The following DYNC1I1 variants were observed in gnomAD, a reference collection of about 807,000 sequenced individuals.
DYNC1I1 encodes the protein cytoplasmic dynein 1 intermediate chain 1.
In DYNC1I1, 43 loss-of-function variants were observed where a neutral mutation model predicts 86.6. The observed-to-expected ratio is 0.50, with a 90% CI of 0.39 to 0.64. The LOEUF is 0.64. DYNC1I1 is among the 30% of genes least tolerant of loss of function. DYNC1I1 has a pLI of 0.00. For synonymous variants in DYNC1I1, 262 were observed against 283.7 expected, an observed-to-expected ratio of 0.92 and a Z score of 0.77; for missense variants, 604 against 788.8, an observed-to-expected ratio of 0.77 and a Z score of 2.81.
intron 14 of DYNC1I1, among the ~76,000 whole-genome samples, chr7:96,057,697 T>A (rs1430792824): frequency 6.6e-6 from 1 of 152,198 alleles, no homozygotes; most frequent in African/African-American, 2.4e-5. Flanking sequence ...AGCTGTAGCT[T>A]CTTAAGGTCA....
At chr7:96,108,359 TGC>T (rs1203912264) in intron 16 of DYNC1I1, among the ~76,000 whole-genome samples, 34 of 152,304 alleles carry the variant, frequency 2.2e-4, no homozygotes, top group African/African-American at 7.9e-4. Flanking sequence ...TATCTCTTTC[TGC>T]AAAGGGATAT....
At chr7:95,909,306 A>G (rs1791267425) in intron 6 of DYNC1I1, among the ~76,000 whole-genome samples, 1 of 151,588 alleles carries the variant, frequency 6.6e-6, no homozygotes, top group African/African-American at 2.4e-5. Context: ...CTCTAGCAGC[A>G]ACAAGGATGT....
At chr7:95,808,338 A>G (rs1076998) in intron 2 of DYNC1I1, among the ~76,000 whole-genome samples, 28,180 of 152,094 alleles carry the variant, frequency 0.19, 2,736 homozygotes, top group East Asian at 0.26. Context: ...CATGAATATA[A>G]AAACTAGTGT....
intron 10 of DYNC1I1, among the ~76,000 whole-genome samples, chr7:96,013,110 G>T (rs1794315430): frequency 6.6e-6 from 1 of 152,122 alleles, no homozygotes; most frequent in Non-Finnish European, 1.5e-5. Flanking sequence ...GGTCGGCCCA[G>T]TGTAATCACA....
chr7:95,878,553 A>G (rs1223874738), intron 6 of DYNC1I1, among the ~76,000 whole-genome samples: 1 of 152,184 alleles, frequency 6.6e-6, no homozygotes. Context: ...AAGGATAAAC[A>G]ATGAAGAAAA....
intron 14 of DYNC1I1, among the ~76,000 whole-genome samples, chr7:96,039,829 T>C (rs1284827786): frequency 6.6e-6 from 1 of 152,168 alleles, no homozygotes; most frequent in African/African-American, 2.4e-5. Context: ...TATGGAAATA[T>C]ATGATTTGGG....
rs1452693246 is a variant in DYNC1I1 at position 96,108,713 on chromosome 7, T to C, written c.1543-1266T>C. Reference sequence around the variant, plus strand: ...CCCGTCTCTACTAAAAATACAAAAATTAACCGGGTGTGGTGGTGGGTGCCT... The same window carrying C: ...CCCGTCTCTACTAAAAATACAAAAACTAACCGGGTGTGGTGGTGGGTGCCT... On this transcript the variant is annotated intron_variant, in intron 16 of 16. Coordinates refer to the DYNC1I1 transcript ENST00000537881. Among the ~76,000 whole-genome samples the C allele has an allele frequency of 4.0e-5, 6 of 151,750 alleles. No homozygotes were observed. In the South Asian group the frequency reaches 1.3e-3, roughly 32 times the overall value.
chr7:96,072,319 T>A (rs1352717429), intron 14 of DYNC1I1, among the ~76,000 whole-genome samples: 1 of 152,230 alleles, frequency 6.6e-6, no homozygotes, highest in Non-Finnish European at 1.5e-5. Context: ...CATTGACATG[T>A]ACCACACGTG....
chr7:95,908,341 G>A (rs1004475804), intron 6 of DYNC1I1, among the ~76,000 whole-genome samples: 3 of 151,982 alleles, frequency 2.0e-5, no homozygotes, highest in Non-Finnish European at 4.4e-5. Flanking sequence ...CCTAAATAGC[G>A]AGCTGTAGAT....
intron 9 of DYNC1I1, among the ~76,000 whole-genome samples, chr7:95,989,631 C>T (rs1793680693): frequency 6.6e-6 from 1 of 152,180 alleles, no homozygotes; most frequent in Non-Finnish European, 1.5e-5. Flanking sequence ...TGATGGGCCA[C>T]ATTGCCTGTG....
At position 95,780,159 on chromosome 7, in the gene DYNC1I1, G is replaced by A. The variant is rs891256907; in HGVS notation, c.-10+7386G>A. ...TTTATTCTAATGTCCAAAGTGAAGC[G>A]AAGTAATGAGTATATTTTCATTGAA... On this transcript the variant is annotated intron_variant, in intron 1 of 16. Coordinates refer to ENST00000447467, the MANE Select transcript of DYNC1I1 (RefSeq NM_001135556.2). Among the ~76,000 whole-genome samples the A allele has an allele frequency of 3.9e-5, 6 of 152,032 alleles. No individual in the cohort carries two copies. The South Asian group carries it at 1.0e-3, about 26-fold the overall frequency.
intron 5 of DYNC1I1, among the ~76,000 whole-genome samples, chr7:95,840,895 A>G (rs1056085631): frequency 6.6e-6 from 1 of 152,216 alleles, no homozygotes; most frequent in African/African-American, 2.4e-5. Context: ...GTTCTAATGC[A>G]TCAATTTATT....
At chr7:95,927,633 C>T (rs1385004724) in intron 6 of DYNC1I1, among the ~76,000 whole-genome samples, 2 of 151,944 alleles carry the variant, frequency 1.3e-5, no homozygotes, top group Admixed American at 6.6e-5. Context: ...GAGAGGATGG[C>T]TGAGCAAATG....
At chr7:95,816,510 T>G (rs2115860939) in intron 4 of DYNC1I1, among the ~76,000 whole-genome samples, 1 of 152,378 alleles carries the variant, frequency 6.6e-6, no homozygotes, top group East Asian at 1.9e-4. Context: ...ACTTTTGGTT[T>G]TATCTTCTTT....
At chr7:96,105,594 T>C (rs187634207) in intron 16 of DYNC1I1, among the ~76,000 whole-genome samples, 1 of 152,196 alleles carries the variant, frequency 6.6e-6, no homozygotes, top group Non-Finnish European at 1.5e-5. Context: ...TCGTTCCTTG[T>C]GAATACTGAT....
In DYNC1I1 at chr7:95,772,776, A is replaced by G. The variant is rs1793736191; in HGVS notation, c.-10+3A>G. 2 of 152,408 alleles carry G rather than the reference A, an allele frequency of 1.3e-5. No homozygotes were observed. The highest frequency in any genetic ancestry group is 4.8e-5 in the African/African-American group (2 of 41,436). The allele number at this position is 152,408 out of a possible 1,614,324, so 9.4% of individuals were successfully genotyped here. ...CCGCCGCTGCCGAGCGCGTCCAGGT[A>G]AACTGGAGCGGGATGTCGCCGCTCC... On this transcript the variant is annotated splice_donor_region_variant and intron_variant, in intron 1 of 16. Coordinates refer to ENST00000447467, the MANE Select transcript of DYNC1I1 (RefSeq NM_001135556.2).
intron 4 of DYNC1I1, among the ~76,000 whole-genome samples, chr7:95,824,135 C>T (rs1795151094): frequency 6.6e-6 from 1 of 150,800 alleles, no homozygotes; most frequent in Non-Finnish European, 1.5e-5. Flanking sequence ...CGACCACAGG[C>T]GAGCACCACC....
intron 14 of DYNC1I1, among the ~76,000 whole-genome samples, chr7:96,073,667 G>T (rs552040130): frequency 6.6e-5 from 10 of 152,166 alleles, no homozygotes; most frequent in African/African-American, 2.4e-4. Context: ...CCTGACAATT[G>T]ACTTTTTAAA....
chr7:95,987,464 C>A (rs752173673), intron 9 of DYNC1I1, among the ~76,000 whole-genome samples: 2 of 152,146 alleles, frequency 1.3e-5, no homozygotes, highest in Non-Finnish European at 2.9e-5. Context: ...CTGTCCTGAC[C>A]TTTCTTTGTC....
Sources: allele counts gnomAD v4.1 joint callset (sites outside exome capture counted in the v4.1 genomes callset), GRCh38; gene constraint gnomAD v4.1.1; transcripts MANE v1.5; gene names NCBI Gene and HGNC (gene_info 2026-07-23, HGNC 2026-07-21).